ALOX12: variants seen among roughly 807,000 people sequenced by gnomAD.
ALOX12 encodes the protein polyunsaturated fatty acid lipoxygenase ALOX12.
Under a neutral mutation model 85.5 loss-of-function variants are expected in ALOX12, and 62 were observed. That is an observed-to-expected ratio of 0.73 (90% CI 0.59 to 0.90). The LOEUF is 0.90. Among genes scored for constraint, ALOX12 ranks in the 40% least tolerant of loss-of-function variants. The pLI is 0.00. For synonymous variants in ALOX12, 299 were observed against 332.7 expected (o/e 0.90, Z 1.10); for missense variants, 751 against 856.5 (o/e 0.88, Z 1.54).
chr17:6,996,208 G>A lies in ALOX12; in HGVS notation c.91G>A (p.Gly31Arg), dbSNP rs536359047. 8.0e-7 allele frequency: 1 copy of A among 1,251,034 alleles called. No individual in the cohort carries two copies. The highest frequency in any genetic ancestry group is 1.0e-6 in the Non-Finnish European group (1 of 990,978). 77.5% of individuals were successfully genotyped at this position (1,251,034 alleles called of 1,614,324 possible). The stretch of plus-strand genomic sequence containing the variant: ...GCAGCTTTGGCTGGTCGGGACGCGC[G>A]GGGAGGCGGAGCTGGAGCTGCAGCT... Reference protein sequence around the residue: ...RVQLWLVGTRGEAELELQLRP... With the variant: ...RVQLWLVGTRREAELELQLRP... The change falls in exon 1 of 14, where the codon GGG becomes AGG. Residue 31 changes from glycine (G) to arginine (R), a missense_variant. Physicochemically the swap from Gly to Arg is moderately radical, Grantham distance 125. Coordinates refer to ENST00000251535, the MANE Select transcript of ALOX12 (RefSeq NM_000697.3).
intron 8 of ALOX12, among the ~76,000 whole-genome samples, chr17:7,004,074 T>TTAATATTAAAATTAAATTTTTAATTTAA (rs143959838): frequency 1.4e-5 from 2 of 144,664 alleles, no homozygotes; most frequent in Non-Finnish European, 3.0e-5. Flanking sequence ...AAATTTTAAT[T>TTAATATTAAAATTAAATTTTTAATTTAA]TATTAAAATT....
chr17:7,009,632 G>A (rs1421652795), intron 11 of ALOX12, 115 bp from the exon 12 acceptor site: 21 of 920,070 alleles, frequency 2.3e-5, no homozygotes, highest in South Asian at 1.5e-4. Context: ...ATGCAAATAC[G>A]TCTAAATAAA....
chr17:7,004,897 CTT>C (rs1482056495), intron 8 of ALOX12, among the ~76,000 whole-genome samples: 1 of 152,192 alleles, frequency 6.6e-6, no homozygotes, highest in Admixed American at 6.5e-5. Flanking sequence ...TTCCAGGACT[CTT>C]ATGTGTAATA....
intron 8 of ALOX12, among the ~76,000 whole-genome samples, chr17:7,004,137 A>G (rs1359454945): frequency 8.4e-6 from 1 of 118,652 alleles, no homozygotes. Context: ...TTAAATAAAT[A>G]ATTAAAATTT....
At chr17:6,996,702 A>G in intron 1 of ALOX12, 124 bp from the exon 2 acceptor site, 2 of 1,225,518 alleles carry the variant, frequency 1.6e-6, no homozygotes, top group Non-Finnish European at 2.2e-6. Context: ...CGGGGGCGGG[A>G]ACGAGGCGAT....
intron 11 of ALOX12, among the ~76,000 whole-genome samples, chr17:7,009,262 T>C (rs979657596): frequency 6.6e-6 from 1 of 151,780 alleles, no homozygotes; most frequent in African/African-American, 2.4e-5. Context: ...GGTTTCACCG[T>C]GTTAGCCAGG....
rs1908657986 is a variant in ALOX12 at position 7,000,466 on chromosome 17, C to T, written c.938C>T (p.Pro313Leu). ...LKMEPNGKLQ[P>L]MVIQIQPPNP... is the part of the protein sequence containing the mutation. ...ATGGAGCCCAATGGGAAGCTGCAGC[C>T]CATGGTCATCCAGGTAAGGGCCCCA... The change falls in exon 7 of 14, where the codon CCC (proline) becomes CTC (leucine). Residue 313 changes from proline to leucine, a missense_variant. Pro to Leu is a moderately conservative substitution (Grantham distance 98). Coordinates refer to ENST00000251535, the MANE Select transcript of ALOX12 (RefSeq NM_000697.3). This position sits in a 1 kb window ranked among gnomAD's most constrained non-coding sequence, Gnocchi z 4.6. The T allele has an allele frequency of 1.2e-6, 2 of 1,613,822 alleles. No homozygotes were observed. Among genetic ancestry groups the T allele is most frequent in the Non-Finnish European group, 8.5e-7 (1 of 1,179,970 alleles).
chr17:7,004,755 A>AGCTTT (rs1229075660), intron 8 of ALOX12, among the ~76,000 whole-genome samples: 1 of 152,192 alleles, frequency 6.6e-6, no homozygotes, highest in Non-Finnish European at 1.5e-5. Flanking sequence ...ATGGAGATGC[A>AGCTTT]GCTTTGATCA....
In ALOX12 at chr17:7,000,575, A is replaced by C; in HGVS notation, c.951+96A>C. The C allele has an allele frequency of 7.1e-7, 1 of 1,416,418 alleles. No individual in the cohort carries two copies. The highest frequency in any genetic ancestry group is 1.3e-5 in the South Asian group (1 of 78,236). 87.7% of individuals were successfully genotyped at this position (1,416,418 alleles called of 1,614,324 possible). ...CCCCAGCTCTTGGCTCCCAAACCCC[A>C]TCCTCACTCAGTGAGACTTGTCTTC... On this transcript the variant is annotated intron_variant, in intron 7 of 13. Transcript: ENST00000251535. This position sits in a 1 kb window ranked among gnomAD's most constrained non-coding sequence, Gnocchi z 4.6.
intron 8 of ALOX12, among the ~76,000 whole-genome samples, chr17:7,003,703 C>G (rs1200487198): frequency 6.6e-6 from 1 of 152,200 alleles, no homozygotes; most frequent in Non-Finnish European, 1.5e-5. Context: ...ACCTGGATTG[C>G]AGGCACATGC....
At chr17:6,996,529 T>C (rs1466359821) in intron 1 of ALOX12, among the ~76,000 whole-genome samples, 1 of 150,636 alleles carries the variant, frequency 6.6e-6, no homozygotes, top group African/African-American at 2.4e-5. Context: ...AATGTAAGTA[T>C]GAGGCCAGAG....
At position 7,010,113 on chromosome 17, in the gene ALOX12, G is replaced by T; in HGVS notation, c.1799G>T (p.Arg600Leu). Residue 600 changes from arginine to leucine, a missense_variant, in exon 13 of 14, where the codon CGC (arginine) becomes CTC (leucine). Arg to Leu is a moderately radical substitution (Grantham distance 102). Coordinates refer to ENST00000251535, the MANE Select transcript of ALOX12 (RefSeq NM_000697.3). ...QMAISWHLSR[R>L]QPDMVPLGHH... is the part of the protein sequence containing the mutation. Reference sequence around the variant, plus strand: ...GCCATCTCATGGCATCTGAGTCGCCGCCAGCCAGACATGGTGAGAGGGGAC... The same window carrying T: ...GCCATCTCATGGCATCTGAGTCGCCTCCAGCCAGACATGGTGAGAGGGGAC... The T allele has an allele frequency of 2.5e-6, 4 of 1,611,552 alleles. No homozygotes were observed. In the African/African-American group the frequency reaches 5.3e-5, roughly 21 times the overall value.
chr17:6,997,706 C>T (rs1445226030), intron 2 of ALOX12, among the ~76,000 whole-genome samples: 1 of 151,768 alleles, frequency 6.6e-6, no homozygotes, highest in Non-Finnish European at 1.5e-5. Flanking sequence ...TACAGGCACC[C>T]CCCACCACAC....
intron 8 of ALOX12, among the ~76,000 whole-genome samples, chr17:7,002,996 C>T (rs761949784): frequency 2.6e-5 from 4 of 152,052 alleles, no homozygotes; most frequent in East Asian, 1.9e-4. Flanking sequence ...ATAGCTGTGC[C>T]GCCTCTGGAA....
intron 11 of ALOX12, 41 bp downstream of exon 11, chr17:7,006,648 T>G: frequency 1.3e-6 from 2 of 1,526,422 alleles, no homozygotes; most frequent in Non-Finnish European, 8.8e-7. Context: ...CCTGGGAGAC[T>G]CTGCCAGGGC....
intron 7 of ALOX12, chr17:7,001,384 C>T (rs1006570408): frequency 3.4e-6 from 2 of 582,530 alleles, no homozygotes; most frequent in Non-Finnish European, 3.1e-6. Context: ...ACTGTTAGGG[C>T]CTCCTTCTGG....
intron 8 of ALOX12, among the ~76,000 whole-genome samples, chr17:7,003,721 C>A (rs571752934): frequency 6.9e-4 from 105 of 152,332 alleles, no homozygotes; most frequent in African/African-American, 2.3e-3. Flanking sequence ...TGCCGCCACA[C>A]CCAGCTAGTT....
At chr17:6,999,968 G>C (rs1480371515) in intron 6 of ALOX12, among the ~76,000 whole-genome samples, 4 of 152,202 alleles carry the variant, frequency 2.6e-5, no homozygotes, top group African/African-American at 9.7e-5. Flanking sequence ...AATAGGGAAT[G>C]AAAGAGCATT....
At chr17:6,996,727 C>G in intron 1 of ALOX12, 99 bp from the exon 2 acceptor site, 1 of 1,379,012 alleles carries the variant, frequency 7.3e-7, no homozygotes. Context: ...TCTTTGGAGG[C>G]CCTGAGAAAC....
Sources: allele counts gnomAD v4.1 joint callset (sites outside exome capture counted in the v4.1 genomes callset), GRCh38; gene constraint gnomAD v4.1.1; non-coding constraint Gnocchi (gnomAD v3.1); transcripts MANE v1.5; gene names NCBI Gene and HGNC (gene_info 2026-07-23, HGNC 2026-07-21).